Variants in PRIM2 observed in about 807,000 individuals in gnomAD.
PRIM2 encodes DNA primase large subunit.
A neutral mutation model predicts 67.3 loss-of-function variants in PRIM2; 39 were observed. The observed-to-expected ratio is 0.58, with a 90% CI of 0.45 to 0.76. The LOEUF is 0.76. Among genes scored for constraint, PRIM2 ranks in the 30% least tolerant of loss-of-function variants. PRIM2 has a pLI of 0.00. For synonymous variants in PRIM2, 143 were observed against 198.7 expected, an observed-to-expected ratio of 0.72 and a Z score of 2.36; for missense variants, 398 against 598.7, an observed-to-expected ratio of 0.66 and a Z score of 3.50.
chr6:57,227,717 G>A, the PRIM2 span, among the ~76,000 whole-genome samples: 13 of 150,582 alleles, frequency 8.6e-5, no homozygotes, highest in African/African-American at 1.7e-4. Flanking sequence ...AGGACTATTT[G>A]ATTAACCTTA....
At chr6:57,282,112 T>C in the PRIM2 span, among the ~76,000 whole-genome samples, 2 of 152,214 alleles carry the variant, frequency 1.3e-5, no homozygotes, top group Non-Finnish European at 2.9e-5. Context: ...TGACCTCGTC[T>C]TTCTCTAAGT....
chr6:57,616,700 T>A (rs1320697280), intron 12 of PRIM2, among the ~76,000 whole-genome samples: 3 of 151,950 alleles, frequency 2.0e-5, no homozygotes, highest in Non-Finnish European at 4.4e-5. Flanking sequence ...AAATGTACAA[T>A]TCAGTGCATT....
chr6:57,438,160 A>G (rs1224363885), intron 7 of PRIM2, among the ~76,000 whole-genome samples: 1 of 152,172 alleles, frequency 6.6e-6, no homozygotes, highest in South Asian at 2.1e-4. Flanking sequence ...TTTTTCTCAA[A>G]TATATAATTT....
At chr6:57,590,978 G>C (rs1192736114) in intron 10 of PRIM2, among the ~76,000 whole-genome samples, 1 of 152,176 alleles carries the variant, frequency 6.6e-6, no homozygotes, top group East Asian at 1.9e-4. Context: ...ATTTAAACTT[G>C]AGTATCTGAC....
chr6:57,565,337 G>A (rs1775717011), intron 10 of PRIM2, among the ~76,000 whole-genome samples: 1 of 148,210 alleles, frequency 6.7e-6, no homozygotes, highest in Admixed American at 6.8e-5. Flanking sequence ...TAAGTCATAT[G>A]CCGCTCTCTC....
intron 7 of PRIM2, among the ~76,000 whole-genome samples, chr6:57,430,744 A>G (rs1220404110): frequency 2.0e-5 from 3 of 152,130 alleles, no homozygotes; most frequent in Non-Finnish European, 4.4e-5. Flanking sequence ...TACAGGTGTC[A>G]GTCACTGTGC....
At chr6:57,275,993 C>T in the PRIM2 span, among the ~76,000 whole-genome samples, 1 of 152,182 alleles carries the variant, frequency 6.6e-6, no homozygotes, top group East Asian at 1.9e-4. Context: ...GGAACTGGAG[C>T]TCCATGTTTC....
At chr6:57,235,312 A>C in the PRIM2 span, among the ~76,000 whole-genome samples, 7 of 152,012 alleles carry the variant, frequency 4.6e-5, no homozygotes, top group South Asian at 2.1e-4. Flanking sequence ...AAAATGCAAA[A>C]AATTAGCCAG....
At chr6:57,298,330 C>T in the PRIM2 span, among the ~76,000 whole-genome samples, 34 of 152,250 alleles carry the variant, frequency 2.2e-4, no homozygotes, top group East Asian at 6.6e-3. Context: ...CATTGCACTC[C>T]ATCCTGGACC....
chr6:57,541,461 G>A (rs1173441438), intron 10 of PRIM2, among the ~76,000 whole-genome samples: 3,542 of 152,114 alleles, frequency 0.023, 133 homozygotes, highest in African/African-American at 0.08. Flanking sequence ...ATATAATACA[G>A]TGAATATATG....
the PRIM2 span, among the ~76,000 whole-genome samples, chr6:57,278,334 A>AT: frequency 6.6e-6 from 1 of 152,196 alleles, no homozygotes; most frequent in African/African-American, 2.4e-5. Context: ...AAAAAAAAAA[A>AT]TTCTACCTTT....
intron 7 of PRIM2, among the ~76,000 whole-genome samples, chr6:57,435,917 C>T (rs1345500678): frequency 6.6e-6 from 1 of 152,190 alleles, no homozygotes; most frequent in East Asian, 1.9e-4. Context: ...AGTCACTGAT[C>T]ATTTTTAAAT....
chr6:57,608,532 A>C (rs1300464784), intron 12 of PRIM2, among the ~76,000 whole-genome samples: 202 of 152,198 alleles, frequency 1.3e-3, no homozygotes, highest in Middle Eastern at 3.4e-3. Flanking sequence ...CAGGCATTCA[A>C]GACCAGCCTG....
chr6:57,384,173 C>T (rs1770056086), intron 7 of PRIM2, among the ~76,000 whole-genome samples: 1 of 152,134 alleles, frequency 6.6e-6, no homozygotes, highest in East Asian at 1.9e-4. Context: ...TTCTATATAG[C>T]ATACTATCTG....
At chr6:57,645,173 C>CA (rs1235462545) in intron 13 of PRIM2, among the ~76,000 whole-genome samples, 2 of 151,980 alleles carry the variant, frequency 1.3e-5, no homozygotes, top group African/African-American at 4.8e-5. Context: ...GGACCAGTAT[C>CA]AAAATGATCA....
chr6:57,604,983 C>T (rs1776533960), intron 11 of PRIM2, among the ~76,000 whole-genome samples: 1 of 152,154 alleles, frequency 6.6e-6, no homozygotes, highest in African/African-American at 2.4e-5. Context: ...AGCCACCGCG[C>T]TTGGCCAGGA....
intron 7 of PRIM2, among the ~76,000 whole-genome samples, chr6:57,443,846 A>T (rs976120670): frequency 6.6e-6 from 1 of 152,092 alleles, no homozygotes; most frequent in Non-Finnish European, 1.5e-5. Context: ...GCCTAGATCA[A>T]TGTCATGTAG....
chr6:57,279,104 A>G, the PRIM2 span, among the ~76,000 whole-genome samples: 1 of 152,210 alleles, frequency 6.6e-6, no homozygotes. Context: ...GGGTGAAATT[A>G]CGGTCTGTGA....
intron 7 of PRIM2, among the ~76,000 whole-genome samples, chr6:57,487,248 G>A (rs2127408006): frequency 6.6e-6 from 1 of 152,308 alleles, no homozygotes; most frequent in Admixed American, 6.5e-5. Context: ...AGATGGACAA[G>A]AAGATGGAAA....
Sources: allele counts gnomAD v4.1 joint callset (sites outside exome capture counted in the v4.1 genomes callset), GRCh38; gene constraint gnomAD v4.1.1; transcripts MANE v1.5; gene names NCBI Gene and HGNC (gene_info 2026-07-23, HGNC 2026-07-21).